The following TEX9 variants were observed in gnomAD, a reference collection of about 807,000 sequenced individuals.
The protein encoded by TEX9 is testis expressed 9, also known as testis-expressed protein 9.
A neutral mutation model predicts 59.6 loss-of-function variants in TEX9; 74 were observed. The observed-to-expected ratio is 1.24, with a 90% CI of 1.03 to 1.51. The LOEUF is 1.51. Ranked by LOEUF, TEX9 falls within the 40% of genes most tolerant of loss-of-function variation. The pLI is 0.00. For synonymous variants in TEX9, 186 were observed against 152.2 expected (o/e 1.22, Z -1.64); for missense variants, 522 against 447.8 (o/e 1.17, Z -1.49).
At chr15:56,381,987 T>A (rs1421129694) in intron 3 of TEX9, among the ~76,000 whole-genome samples, 1 of 152,208 alleles carries the variant, frequency 6.6e-6, no homozygotes, top group Non-Finnish European at 1.5e-5. Flanking sequence ...AGATGCTGTC[T>A]GGTAGTCAGA....
At chr15:56,324,623 C>T (rs1244753416) in intron 1 of TEX9, among the ~76,000 whole-genome samples, 1 of 152,156 alleles carries the variant, frequency 6.6e-6, no homozygotes, top group African/African-American at 2.4e-5. Flanking sequence ...CATGAACGGA[C>T]AAAGTATGGA....
chr15:56,322,214 A>G (rs1175000676), intron 1 of TEX9, among the ~76,000 whole-genome samples: 1 of 152,092 alleles, frequency 6.6e-6, no homozygotes, highest in Non-Finnish European at 1.5e-5. Flanking sequence ...AGAGAGGAGT[A>G]GGGAAGAAGT....
chr15:56,290,598 T>C (rs2045065975), intron 1 of TEX9, among the ~76,000 whole-genome samples: 2 of 152,024 alleles, frequency 1.3e-5, no homozygotes, highest in African/African-American at 4.8e-5. Flanking sequence ...ACTATAGGCA[T>C]GCACCACAAT....
In TEX9 at chr15:56,347,104, C is replaced by T. The variant is rs900336531; in HGVS notation, c.-106-26337C>T. Among the ~76,000 whole-genome samples the T allele has an allele frequency of 3.3e-5, 5 of 152,198 alleles. No individual in the cohort carries two copies. The South Asian group carries it at 8.3e-4, about 25-fold the overall frequency. ...AAAAGGATCAGAATAAATGGAAAGTCATATTGTGTTCATGGATTGAAAAAT... is the reference window on the plus strand; with the variant it reads ...AAAAGGATCAGAATAAATGGAAAGTTATATTGTGTTCATGGATTGAAAAAT... On this transcript the variant is annotated intron_variant, in intron 1 of 5. Transcript: ENST00000560827.
At chr15:56,252,151 G>GT (rs2044036898) in intron 1 of TEX9, among the ~76,000 whole-genome samples, 1 of 152,046 alleles carries the variant, frequency 6.6e-6, no homozygotes, top group African/African-American at 2.4e-5. Context: ...CTGTGGCTCT[G>GT]TGGTACCTTG....
At chr15:56,309,711 T>A (rs1212283303) in intron 1 of TEX9, among the ~76,000 whole-genome samples, 1 of 132,794 alleles carries the variant, frequency 7.5e-6, no homozygotes, top group African/African-American at 2.6e-5. Context: ...TTTTTTTTTT[T>A]TTTTTTTTTT....
intron 9 of TEX9, chr15:56,398,168 C>T (rs879341042): frequency 3.9e-5 from 6 of 151,978 alleles, no homozygotes; most frequent in Non-Finnish European, 7.4e-5. Flanking sequence ...TTGCGATGTG[C>T]TATAACTATA....
chr15:56,326,415 ATG>A (rs1357546834), intron 1 of TEX9, among the ~76,000 whole-genome samples: 2 of 152,164 alleles, frequency 1.3e-5, no homozygotes, highest in Admixed American at 1.3e-4. Flanking sequence ...TCAATTATAA[ATG>A]TTTTTATCAT....
At chr15:56,281,892 G>C (rs949430487) in intron 1 of TEX9, among the ~76,000 whole-genome samples, 6 of 152,206 alleles carry the variant, frequency 3.9e-5, no homozygotes, top group Non-Finnish European at 7.4e-5. Context: ...GATTATATTG[G>C]TTGATGCTAA....
intron 9 of TEX9, among the ~76,000 whole-genome samples, chr15:56,410,388 C>T (rs2049289748): frequency 6.6e-6 from 1 of 151,966 alleles, no homozygotes; most frequent in Non-Finnish European, 1.5e-5. Context: ...CTTTAATAAT[C>T]ATGAGAGAGT....
intron 1 of TEX9, among the ~76,000 whole-genome samples, chr15:56,288,767 A>G (rs2045012777): frequency 6.6e-6 from 1 of 152,098 alleles, no homozygotes; most frequent in Non-Finnish European, 1.5e-5. Flanking sequence ...CCATACCTGC[A>G]TATGTATATA....
chr15:56,350,371 C>G (rs2046554115), intron 1 of TEX9, among the ~76,000 whole-genome samples: 1 of 152,152 alleles, frequency 6.6e-6, no homozygotes, highest in Non-Finnish European at 1.5e-5. Flanking sequence ...TGGAGAACAA[C>G]AAAGTAGACT....
At chr15:56,356,495 A>G (rs11631618) in intron 1 of TEX9, among the ~76,000 whole-genome samples, 10,805 of 151,952 alleles carry the variant, frequency 0.071, 477 homozygotes, top group Non-Finnish European at 0.1. Context: ...TTTTCTTCCT[A>G]AAGCATGTAC....
intron 3 of TEX9, among the ~76,000 whole-genome samples, chr15:56,379,101 A>C (rs2047603538): frequency 6.6e-6 from 1 of 151,796 alleles, no homozygotes; most frequent in African/African-American, 2.4e-5. Context: ...AAGAAAAAAA[A>C]AGAAAAGAAA....
chr15:56,269,973 T>C (rs1304761879), intron 1 of TEX9, among the ~76,000 whole-genome samples: 1 of 152,160 alleles, frequency 6.6e-6, no homozygotes, highest in Admixed American at 6.5e-5. Flanking sequence ...AGTTTCTTAA[T>C]CCTGAGTTCT....
chr15:56,388,777 AT>A (rs1374816613), intron 5 of TEX9, among the ~76,000 whole-genome samples: 2 of 151,320 alleles, frequency 1.3e-5, no homozygotes, highest in African/African-American at 2.4e-5. Context: ...ACTGAGGCTT[AT>A]TTTTTTTTCC....
chr15:56,396,588 A>G (rs1335268726), intron 9 of TEX9: 2 of 56,004 alleles, frequency 3.6e-5, no homozygotes, highest in Non-Finnish European at 7.2e-5. Context: ...TTTTTTTTTC[A>G]GTTAGCATAA....
intron 1 of TEX9, among the ~76,000 whole-genome samples, chr15:56,304,072 A>C (rs2045421812): frequency 6.6e-6 from 1 of 152,232 alleles, no homozygotes; most frequent in Admixed American, 6.5e-5. Context: ...AAACACTTAA[A>C]GAACTAATAT....
intron 12 of TEX9, among the ~76,000 whole-genome samples, chr15:56,442,321 G>A (rs568759159): frequency 7.9e-5 from 12 of 152,212 alleles, no homozygotes; most frequent in African/African-American, 2.2e-4. Context: ...GCACTGTGGC[G>A]ACTCCCCAAA....
Sources: allele counts gnomAD v4.1 joint callset (sites outside exome capture counted in the v4.1 genomes callset), GRCh38; gene constraint gnomAD v4.1.1; transcripts MANE v1.5; gene names NCBI Gene and HGNC (gene_info 2026-07-23, HGNC 2026-07-21).